BAHCC1: variants seen among roughly 807,000 people sequenced by gnomAD.
The protein encoded by BAHCC1 is BAH and coiled-coil domain-containing protein 1.
In BAHCC1, 43 loss-of-function variants were observed where a neutral mutation model predicts 88.2. The observed-to-expected ratio is 0.49, with a 90% confidence interval of 0.38 to 0.63. The LOEUF (loss-of-function observed/expected upper bound fraction) is 0.63, where lower values mean the gene tolerates loss of function less well. BAHCC1 is among the 20% of genes least tolerant of loss of function. BAHCC1 has a pLI of 0.00. For missense variants in BAHCC1, 3,023 were observed against 1,654.8 expected (o/e 1.83, Z -14.34); for synonymous variants, 1,510 against 745.5 (o/e 2.03, Z -16.71).
rs1408988944 is a variant in BAHCC1, at chr17:81,464,190, C to G, written c.*373C>G. ...GGAAAGCAGAAATCAGGTGTGTTGT[C>G]TATTTATTTCTCTATGTAAATATTG... On this transcript the variant is annotated 3_prime_UTR_variant, in exon 28 of 28. Transcript: ENST00000675386. The G allele has an allele frequency of 3.1e-6, 1 of 318,244 alleles. No homozygotes were observed. The highest frequency in any genetic ancestry group is 2.1e-5 in the African/African-American group (1 of 47,732). 19.7% of individuals were successfully genotyped at this position (318,244 alleles called of 1,614,324 possible).
At chr17:81,422,541 ATCCCCT>A (rs1341833362) in intron 2 of BAHCC1, among the ~76,000 whole-genome samples, 1 of 152,142 alleles carries the variant, frequency 6.6e-6, no homozygotes, top group Non-Finnish European at 1.5e-5. Context: ...TAGAGCCCCC[ATCCCCT>A]TCCCTCTCAT....
Position 81,445,627 on chromosome 17 carries a change from G to A in BAHCC1, c.3109G>A (p.Glu1037Lys), listed in dbSNP as rs1433460083. 1.8e-5 allele frequency: 13 copies of A among 734,170 alleles called. No homozygotes were observed. Among genetic ancestry groups the A allele is most frequent in the Non-Finnish European group, 3.0e-5 (12 of 395,280 alleles). The allele number at this position is 734,170 out of a possible 1,614,324, so 45.5% of individuals were successfully genotyped here. Residue 1037 changes from glutamate to lysine, a missense_variant, in exon 10 of 28, where the codon GAA becomes AAA. Physicochemically the swap from Glu to Lys is moderately conservative, Grantham distance 56. Transcript: ENST00000675386. ...GPGSRVRSAE[E>K]KNGEGQQSTA... ...TGGCTCCCGGGTGCGCAGCGCCGAG[G>A]AAAAGAATGGGGAGGGTCAGCAGTC...
At chr17:81,452,637 C>A in intron 13 of BAHCC1, 86 bp from the exon 14 acceptor site, 1 of 594,464 alleles carries the variant, frequency 1.7e-6, no homozygotes, top group Non-Finnish European at 3.0e-6. Context: ...ACCCAGTAGC[C>A]CTCGAAGGCC....
At chr17:81,445,260 G>T (rs1347870085) in intron 9 of BAHCC1, 82 bp downstream of exon 9, 6 of 720,994 alleles carry the variant, frequency 8.3e-6, no homozygotes, top group African/African-American at 3.5e-5. Context: ...GGAGACCCCT[G>T]CATGCCTGGC....
intron 2 of BAHCC1, among the ~76,000 whole-genome samples, chr17:81,417,009 A>C (rs1174224285): frequency 6.6e-6 from 1 of 152,132 alleles, no homozygotes; most frequent in East Asian, 1.9e-4. Flanking sequence ...GTCCACAGCT[A>C]GACTGGACAT....
intron 3 of BAHCC1, among the ~76,000 whole-genome samples, chr17:81,427,843 G>A (rs1474534017): frequency 2.0e-5 from 3 of 152,182 alleles, no homozygotes; most frequent in African/African-American, 7.2e-5. Flanking sequence ...AGCGGCGGGC[G>A]TCGTGTTTAC....
At chr17:81,446,736 A>C (rs1555654458) in intron 10 of BAHCC1, 1 of 546,674 alleles carries the variant, frequency 1.8e-6, no homozygotes, top group Non-Finnish European at 3.5e-6. Context: ...ATTTTTTTGT[A>C]GTGGCACGTG....
At chr17:81,398,777 C>T (rs1555645316) in intron 1 of BAHCC1, among the ~76,000 whole-genome samples, 1 of 72,184 alleles carries the variant, frequency 1.4e-5, no homozygotes, top group South Asian at 5.1e-4. Flanking sequence ...GGTTGCGGGC[C>T]TCCGGGGCTC....
intron 2 of BAHCC1, chr17:81,402,358 G>C (rs1369127709): frequency 6.6e-6 from 1 of 152,192 alleles, no homozygotes; most frequent in African/African-American, 2.4e-5. Context: ...AAATTTAGCT[G>C]CATGTATTTT....
rs528516453 is a variant in BAHCC1 at position 81,462,227 on chromosome 17, G to A, written c.7383+181G>A. ...ATGACCCAGTGAGGCAGCCGCTTCC[G>A]CTGGCCCCTCGCTGGAGCCCGTGGC... is the stretch of plus-strand genomic sequence containing the variant. On this transcript the variant is annotated intron_variant, in intron 26 of 27. Transcript: ENST00000675386. 2.0e-4 allele frequency among the ~76,000 whole-genome samples: 31 copies of A among 152,344 alleles called. No individual in the cohort carries two copies. The South Asian group carries it at 5.4e-3, about 26-fold the overall frequency.
At chr17:81,463,562 G>A (rs782344153) in intron 27 of BAHCC1, 49 bp from the exon 28 acceptor site, 14 of 773,698 alleles carry the variant, frequency 1.8e-5, no homozygotes, top group Non-Finnish European at 2.9e-5. Flanking sequence ...CTGGGCAGGG[G>A]CGCACTGGCC....
intron 10 of BAHCC1, among the ~76,000 whole-genome samples, chr17:81,446,465 TGGG>T (rs1392804844): frequency 5.1e-5 from 7 of 137,222 alleles, no homozygotes; most frequent in Non-Finnish European, 1.1e-4. Flanking sequence ...CCAGGGTTGT[TGGG>T]GGGAGCTTCA....
rs1001751587 is a variant in BAHCC1 at position 81,464,164 on chromosome 17, G to A, written c.*347G>A. The A allele has an allele frequency of 2.6e-6, 1 of 378,332 alleles. No homozygotes were observed. The highest frequency in any genetic ancestry group is 4.9e-6 in the Non-Finnish European group (1 of 203,952). The allele number at this position is 378,332 out of a possible 1,614,324, so 23.4% of individuals were successfully genotyped here. On this transcript the variant is annotated 3_prime_UTR_variant, in exon 28 of 28. Coordinates refer to ENST00000675386, the MANE Select transcript of BAHCC1 (RefSeq NM_001377448.1). ...TAGTACCTCCGACTGTCTCCCACCA[G>A]GGAAAGCAGAAATCAGGTGTGTTGT...
chr17:81,448,547 G>A (rs782705242), intron 11 of BAHCC1, among the ~76,000 whole-genome samples: 1 of 152,212 alleles, frequency 6.6e-6, no homozygotes, highest in African/African-American at 2.4e-5. Flanking sequence ...AGAAAGCCCC[G>A]GGGTGGAGGG....
chr17:81,436,354 C>G (rs370298365), intron 3 of BAHCC1, among the ~76,000 whole-genome samples: 1 of 152,264 alleles, frequency 6.6e-6, no homozygotes, highest in Admixed American at 6.5e-5. Context: ...GCCCACTCCT[C>G]TGCCAGCTGA....
intron 15 of BAHCC1, chr17:81,456,089 T>C (rs2064743921): frequency 1.8e-6 from 1 of 542,028 alleles, no homozygotes; most frequent in Non-Finnish European, 3.2e-6. Flanking sequence ...TGGTGGGCAG[T>C]GGGTTGTGTG....
At position 81,447,218 on chromosome 17, in the gene BAHCC1, G is replaced by A. The variant is rs2064546311; in HGVS notation, c.3346G>A (p.Glu1116Lys). 1.3e-6 allele frequency: 1 copy of A among 744,180 alleles called. No individual in the cohort carries two copies. The highest frequency in any genetic ancestry group is 2.5e-6 in the Non-Finnish European group (1 of 402,346). 46.1% of individuals were successfully genotyped at this position (744,180 alleles called of 1,614,324 possible). A position where few individuals can be genotyped will look rare whatever the true frequency, so the allele number is the denominator to read the frequency against. Reference sequence around the variant, plus strand: ...TCCCTGCAGCCCCAGGAGCCTGGAGGAGCCCGGGCTGCTCTCAGGGGCCAG... The same window carrying A: ...TCCCTGCAGCCCCAGGAGCCTGGAGAAGCCCGGGCTGCTCTCAGGGGCCAG... ...PPPCSPRSLE[E>K]PGLLSGAREA... The change falls in exon 11 of 28, where the codon GAG (glutamate) becomes AAG (lysine). Residue 1116 changes from glutamate (E) to lysine (K), a missense_variant. Physicochemically the swap from Glu to Lys is moderately conservative, Grantham distance 56. Transcript: ENST00000675386.
In BAHCC1 at chr17:81,464,295, T is replaced by TATGTGTGTGCGC. The variant is rs2030550994; in HGVS notation, c.*479_*490dup. 4.4e-6 allele frequency: 1 copy of TATGTGTGTGCGC among 226,162 alleles called. No homozygotes were observed. Among genetic ancestry groups the TATGTGTGTGCGC allele is most frequent in the Non-Finnish European group, 8.9e-6 (1 of 112,292 alleles). The allele number at this position is 226,162 out of a possible 1,614,324, so 14.0% of individuals were successfully genotyped here. A position where few individuals can be genotyped will look rare whatever the true frequency, so the allele number is the denominator to read the frequency against. On this transcript the variant is annotated 3_prime_UTR_variant, in exon 28 of 28. Transcript: ENST00000675386. Reference sequence around the variant, plus strand: ...GCGTGACAAGGTGTGTGTGAGCGTGTATGTGTGTGCGCGTGTGTGGCGATT... The same window carrying TATGTGTGTGCGC: ...GCGTGACAAGGTGTGTGTGAGCGTGTATGTGTGTGCGCATGTGTGTGCGCGTGTGTGGCGATT...
intron 2 of BAHCC1, among the ~76,000 whole-genome samples, chr17:81,423,861 G>A (rs1363823711): frequency 3.3e-5 from 5 of 152,232 alleles, no homozygotes; most frequent in African/African-American, 1.2e-4. Flanking sequence ...CCGATGGTCC[G>A]GGAGAGCTGG....
Sources: allele counts gnomAD v4.1 joint callset (sites outside exome capture counted in the v4.1 genomes callset), GRCh38; gene constraint gnomAD v4.1.1; transcripts MANE v1.5; gene names NCBI Gene and HGNC (gene_info 2026-07-23, HGNC 2026-07-21).